The following RNF169 variants were observed in gnomAD, a reference collection of about 807,000 sequenced individuals.
The protein encoded by RNF169 is ring finger protein 169.
In RNF169, 24 loss-of-function variants were observed where a neutral mutation model predicts 53.9. The ratio of observed to expected loss-of-function variants is 0.45; its 90% CI spans 0.32 to 0.63. The LOEUF (loss-of-function observed/expected upper bound fraction) is 0.63, where lower values mean the gene tolerates loss of function less well. Among genes scored for constraint, RNF169 ranks in the 20% least tolerant of loss-of-function variants. RNF169 has a pLI of 0.04. For synonymous variants in RNF169, 396 were observed against 363.5 expected (o/e 1.09, Z -1.02); for missense variants, 883 against 906.2 (o/e 0.97, Z 0.33).
At chr11:74,800,750 A>G (rs2035717516) in intron 2 of RNF169, among the ~76,000 whole-genome samples, 1 of 152,224 alleles carries the variant, frequency 6.6e-6, no homozygotes, top group Non-Finnish European at 1.5e-5. Flanking sequence ...ACACAAATTA[A>G]TTCTCAATTT....
At chr11:74,805,067 G>C (rs1457108980) in intron 2 of RNF169, among the ~76,000 whole-genome samples, 2 of 152,166 alleles carry the variant, frequency 1.3e-5, no homozygotes, top group Non-Finnish European at 2.9e-5. Context: ...AAAAACACCT[G>C]TCCACAAAAT....
At chr11:74,806,188 T>C (rs1591417806) in intron 2 of RNF169, among the ~76,000 whole-genome samples, 1 of 152,318 alleles carries the variant, frequency 6.6e-6, no homozygotes. Flanking sequence ...AAGATATCAA[T>C]AGACACTTCA....
intron 1 of RNF169, among the ~76,000 whole-genome samples, chr11:74,788,221 A>G (rs2035531805): frequency 6.6e-6 from 1 of 152,136 alleles, no homozygotes; most frequent in Non-Finnish European, 1.5e-5. Context: ...TTTATGACCT[A>G]ATGTATCATC....
Position 74,821,613 on chromosome 11 carries a change from C to G in RNF169, c.842+3899C>G, listed in dbSNP as rs1296780134. Among the ~76,000 whole-genome samples, 3 of 66,272 alleles carry G rather than the reference C, an allele frequency of 4.5e-5. 1 individual carries two copies. In the East Asian group the frequency reaches 1.1e-3, roughly 25 times the overall value. 43.5% of individuals were successfully genotyped at this position (66,272 alleles called of 152,430 possible). The stretch of plus-strand genomic sequence containing the variant: ...GCGGAGCTTGCAGTGAGCCGAGATC[C>G]CGCCACTGCACTCCAGCCTGGGCGA... On this transcript the variant is annotated intron_variant, in intron 4 of 5. Coordinates refer to ENST00000299563, the MANE Select transcript of RNF169 (RefSeq NM_001098638.2).
chr11:74,815,466 G>A (rs1402655222), intron 3 of RNF169, among the ~76,000 whole-genome samples: 1 of 152,118 alleles, frequency 6.6e-6, no homozygotes, highest in Non-Finnish European at 1.5e-5. Context: ...TGAGGCAGGA[G>A]AATCACTTGA....
chr11:74,783,862 G>C (rs1049428442), intron 1 of RNF169, among the ~76,000 whole-genome samples: 3 of 152,188 alleles, frequency 2.0e-5, no homozygotes, highest in Non-Finnish European at 4.4e-5. Flanking sequence ...TATTGTATGT[G>C]ATTGTTCTTT....
Position 74,749,094 on chromosome 11 carries a change from C to T in RNF169, c.214C>T (p.Leu72=). The T allele has an allele frequency of 7.0e-7, 1 of 1,435,444 alleles. No homozygotes were observed. Among genetic ancestry groups the T allele is most frequent in the Admixed American group, 2.5e-5 (1 of 39,520 alleles). The allele number at this position is 1,435,444 out of a possible 1,614,324, so 88.9% of individuals were successfully genotyped here. A position where few individuals can be genotyped will look rare whatever the true frequency, so the allele number is the denominator to read the frequency against. The change falls in exon 1 of 6, where the codon CTG becomes TTG. Residue 72 remains leucine (L), a synonymous_variant. Transcript: ENST00000299563. Reference sequence around the variant, plus strand: ...GGAGGAATCGGGCTGCGCCGGGTGCCTGGAGCCCCCCGGAGAAGCAGCGGC... The same window carrying T: ...GGAGGAATCGGGCTGCGCCGGGTGCTTGGAGCCCCCCGGAGAAGCAGCGGC... The part of the protein sequence containing the change: ...RPEESGCAGC[L]EPPGEAAALP...
chr11:74,799,237 T>C lies in RNF169; in HGVS notation c.576+9538T>C, dbSNP rs556177776. On this transcript the variant is annotated intron_variant, in intron 2 of 5. Coordinates refer to ENST00000299563, the MANE Select transcript of RNF169 (RefSeq NM_001098638.2). Reference sequence around the variant, plus strand: ...AATCTCATAGTATATCTTTAAGATATACAGGTAACAGGTGTGGTATTAAGG... The same window carrying C: ...AATCTCATAGTATATCTTTAAGATACACAGGTAACAGGTGTGGTATTAAGG... 5.3e-5 allele frequency among the ~76,000 whole-genome samples: 8 copies of C among 152,186 alleles called. No individual in the cohort carries two copies. In the South Asian group the frequency reaches 1.2e-3, roughly 24 times the overall value.
rs1278474458 is a variant in RNF169, at chr11:74,749,105, C to T, written c.225C>T (p.Pro75=). ...ESGCAGCLEP[P]GEAAALPCGH... ...GCTGCGCCGGGTGCCTGGAGCCCCCCGGAGAAGCAGCGGCCCTGCCGTGCG... is the reference window on the plus strand; with the variant it reads ...GCTGCGCCGGGTGCCTGGAGCCCCCTGGAGAAGCAGCGGCCCTGCCGTGCG... The change falls in exon 1 of 6, where the codon CCC becomes CCT. Residue 75 remains proline, a synonymous_variant. Coordinates refer to ENST00000299563, the MANE Select transcript of RNF169 (RefSeq NM_001098638.2). 1.4e-6 allele frequency: 2 copies of T among 1,419,094 alleles called. No individual in the cohort carries two copies. The highest frequency in any genetic ancestry group is 3.0e-5 in the African/African-American group (2 of 67,230). 87.9% of individuals were successfully genotyped at this position (1,419,094 alleles called of 1,614,324 possible). A position where few individuals can be genotyped will look rare whatever the true frequency, so the allele number is the denominator to read the frequency against.
intron 1 of RNF169, among the ~76,000 whole-genome samples, chr11:74,756,332 A>G (rs1172273092): frequency 6.6e-6 from 1 of 152,248 alleles, no homozygotes; most frequent in Non-Finnish European, 1.5e-5. Flanking sequence ...GCAGGCTAAT[A>G]GAGGAAAACC....
chr11:74,808,898 T>G (rs1213155608), intron 2 of RNF169, among the ~76,000 whole-genome samples: 1 of 152,212 alleles, frequency 6.6e-6, no homozygotes, highest in Non-Finnish European at 1.5e-5. Context: ...GTGTTCCTGT[T>G]TGGATTGGGC....
Position 74,749,028 on chromosome 11 carries a change from T to G in RNF169, c.148T>G (p.Leu50Val), listed in dbSNP as rs769059524. The change falls in exon 1 of 6, where the codon TTG becomes GTG. Residue 50 changes from leucine (L) to valine (V), a missense_variant. Leu to Val is a conservative substitution (Grantham distance 32). Transcript: ENST00000299563. ...GGCTTCTGGACCTTCGCTGTTGGTG[T>G]TGTCGCCGCCGTTGCTGCAGCCGCC... is the stretch of plus-strand genomic sequence containing the variant. ...GPASGPSLLVLSPPLLQPPLP... is the reference protein window; with the variant it reads ...GPASGPSLLVVSPPLLQPPLP... 150 of 1,479,596 alleles carry G rather than the reference T, an allele frequency of 1.0e-4. No individual in the cohort carries two copies. In the African/African-American group the frequency reaches 1.8e-3, roughly 18 times the overall value. 91.7% of individuals were successfully genotyped at this position (1,479,596 alleles called of 1,614,324 possible). A position where few individuals can be genotyped will look rare whatever the true frequency, so the allele number is the denominator to read the frequency against.
At chr11:74,771,209 G>A (rs2135325634) in intron 1 of RNF169, among the ~76,000 whole-genome samples, 2 of 152,138 alleles carry the variant, frequency 1.3e-5, no homozygotes, top group Non-Finnish European at 2.9e-5. Context: ...AAGTAGATTT[G>A]GGCTAGTTTT....
chr11:74,799,350 A>G (rs1331963634), intron 2 of RNF169, among the ~76,000 whole-genome samples: 1 of 152,186 alleles, frequency 6.6e-6, no homozygotes, highest in Non-Finnish European at 1.5e-5. Context: ...ATCCAAGAAC[A>G]TTAGATATGG....
At chr11:74,829,628 G>A (rs182412760) in intron 4 of RNF169, among the ~76,000 whole-genome samples, 18 of 152,304 alleles carry the variant, frequency 1.2e-4, no homozygotes, top group African/African-American at 3.8e-4. Flanking sequence ...TAAAGAAAAT[G>A]TGGTACGTAT....
intron 4 of RNF169, among the ~76,000 whole-genome samples, chr11:74,828,430 A>G (rs2036130321): frequency 6.6e-6 from 1 of 152,246 alleles, no homozygotes; most frequent in Admixed American, 6.5e-5. Flanking sequence ...ATTCAATTCT[A>G]TTCCCATTAA....
intron 2 of RNF169, among the ~76,000 whole-genome samples, chr11:74,796,193 TTTG>T (rs1041389276): frequency 6.6e-5 from 10 of 152,186 alleles, no homozygotes; most frequent in East Asian, 1.9e-4. Context: ...GGCATGCTTT[TTTG>T]TTGTTGTTTT....
chr11:74,832,164 C>G (rs1241108702), intron 4 of RNF169: 1 of 152,170 alleles, frequency 6.6e-6, no homozygotes, highest in Non-Finnish European at 1.5e-5. Context: ...GTCTTTTGAT[C>G]AATCTGTCTC....
intron 4 of RNF169, chr11:74,832,551 A>C (rs1482283347): frequency 6.6e-6 from 1 of 152,182 alleles, no homozygotes; most frequent in Non-Finnish European, 1.5e-5. Context: ...TTTGGAACTT[A>C]AGGTCTAGAT....
Sources: allele counts gnomAD v4.1 joint callset (sites outside exome capture counted in the v4.1 genomes callset), GRCh38; gene constraint gnomAD v4.1.1; transcripts MANE v1.5; gene names NCBI Gene and HGNC (gene_info 2026-07-23, HGNC 2026-07-21).